BTBD16: variants seen among roughly 807,000 people sequenced by gnomAD.
BTBD16 encodes the protein BTB domain containing 16.
Under a neutral mutation model 67.4 loss-of-function variants are expected in BTBD16, and 66 were observed. The observed-to-expected ratio is 0.98, with a 90% CI of 0.80 to 1.20. The LOEUF is 1.20. BTBD16 is among the 50% of genes most tolerant of loss of function. The probability of loss-of-function intolerance (pLI) is 0.00; values close to 1 mark genes in which losing one functional copy is unlikely to be tolerated. For missense variants in BTBD16, 634 were observed against 616.0 expected (o/e 1.03, Z -0.31); for synonymous variants, 242 against 236.4 (o/e 1.02, Z -0.22).
At chr10:122,295,487 G>A in intron 7 of BTBD16, 3 of 985,408 alleles carry the variant, frequency 3.0e-6, no homozygotes, top group Non-Finnish European at 3.6e-6. Flanking sequence ...GGAGGGGAGA[G>A]TGGCAGAGCC....
At chr10:122,322,315 C>A (rs77991627) in intron 10 of BTBD16, among the ~76,000 whole-genome samples, 3 of 152,078 alleles carry the variant, frequency 2.0e-5, no homozygotes, top group African/African-American at 7.2e-5. Flanking sequence ...TAGAGCTATA[C>A]GTTTCCTTTA....
At chr10:122,294,118 C>A in intron 7 of BTBD16, 1 of 985,364 alleles carries the variant, frequency 1.0e-6, no homozygotes, top group Non-Finnish European at 1.2e-6. Flanking sequence ...TGTGGTGGGG[C>A]TGGGATTCTA....
At chr10:122,316,085 G>A (rs1379768827) in intron 10 of BTBD16, among the ~76,000 whole-genome samples, 1 of 152,064 alleles carries the variant, frequency 6.6e-6, no homozygotes, top group Non-Finnish European at 1.5e-5. Flanking sequence ...TGACCAACAT[G>A]GTGGAACCCC....
chr10:122,329,632 C>G (rs1265720850), intron 11 of BTBD16, 61 bp downstream of exon 11: 3 of 1,424,588 alleles, frequency 2.1e-6, no homozygotes, highest in Non-Finnish European at 2.9e-6. Context: ...GCCCACCCCC[C>G]AGCCACTGCC....
intron 9 of BTBD16, among the ~76,000 whole-genome samples, chr10:122,305,013 T>C (rs1205839709): frequency 6.6e-6 from 1 of 152,176 alleles, no homozygotes; most frequent in Non-Finnish European, 1.5e-5. Context: ...CTAAGCACTT[T>C]GTATGTATGC....
chr10:122,286,143 C>T lies in BTBD16; in HGVS notation c.280C>T (p.His94Tyr). 6.2e-7 allele frequency: 1 copy of T among 1,613,890 alleles called. No homozygotes were observed. ...GTGCCTGGGCTTCAAATGGGAGCTC[C>T]ATCAGCCCCAGCTTTTTCAGTCTGA... ...LECLGFKWEL[H>Y]QPQLFQSETL... is the part of the protein sequence containing the mutation. Residue 94 changes from histidine (H) to tyrosine (Y), a missense_variant, in exon 5 of 16, where the codon CAT (histidine) becomes TAT (tyrosine). By Grantham distance (83) the His-to-Tyr change is moderately conservative (BLOSUM62 2). Coordinates refer to ENST00000260723, the MANE Select transcript of BTBD16 (RefSeq NM_144587.5).
intron 10 of BTBD16, among the ~76,000 whole-genome samples, chr10:122,324,792 G>A (rs1217055041): frequency 1.3e-5 from 2 of 152,150 alleles, no homozygotes; most frequent in African/African-American, 4.8e-5. Flanking sequence ...TAAATATTAT[G>A]CTTAGTTCTT....
chr10:122,294,718 C>G (rs1046252334), intron 7 of BTBD16, among the ~76,000 whole-genome samples: 2 of 152,238 alleles, frequency 1.3e-5, no homozygotes, highest in South Asian at 4.1e-4. Context: ...GGAAACCCCC[C>G]ACTTCCCTGA....
chr10:122,295,773 T>C (rs902873113), intron 7 of BTBD16, among the ~76,000 whole-genome samples: 5 of 152,170 alleles, frequency 3.3e-5, no homozygotes, highest in African/African-American at 1.2e-4. Context: ...TCCCCAGTAC[T>C]CAAGACAACT....
chr10:122,290,139 G>T lies in BTBD16; in HGVS notation c.475+141G>T, dbSNP rs183640190. ...GCTTTCTTATTAAAAAGGCCCGAAC[G>T]TGCAAAGAAAGAAGGGGCGAGAAGG... On this transcript the variant is annotated intron_variant, in intron 6 of 15. Transcript: ENST00000260723. 3 of 577,204 alleles carry T rather than the reference G, an allele frequency of 5.2e-6. No homozygotes were observed. The African/African-American group carries it at 5.7e-5, about 11-fold the overall frequency. The allele number at this position is 577,204 out of a possible 1,614,324, so 35.8% of individuals were successfully genotyped here.
chr10:122,289,220 G>A (rs1025493449), intron 5 of BTBD16, among the ~76,000 whole-genome samples: 2 of 152,134 alleles, frequency 1.3e-5, no homozygotes, highest in Non-Finnish European at 2.9e-5. Flanking sequence ...AGAAATGACT[G>A]AGGTTCAGTC....
At chr10:122,275,198 C>T (rs1050856148) in intron 2 of BTBD16, 99 bp downstream of exon 2, 45 of 1,166,500 alleles carry the variant, frequency 3.9e-5, no homozygotes, top group East Asian at 2.1e-4. Flanking sequence ...TCTGCACCAC[C>T]GAGGACCTCA....
intron 10 of BTBD16, among the ~76,000 whole-genome samples, chr10:122,308,845 T>A (rs1169967862): frequency 1.3e-5 from 2 of 152,086 alleles, no homozygotes; most frequent in Admixed American, 1.3e-4. Context: ...TTGGCCTCCA[T>A]CTCCCAAATG....
At chr10:122,273,227 T>G (rs1017808819) in intron 1 of BTBD16, among the ~76,000 whole-genome samples, 5 of 145,754 alleles carry the variant, frequency 3.4e-5, no homozygotes, top group African/African-American at 1.3e-4. Flanking sequence ...CAAAGATATA[T>G]ATATATATAT....
chr10:122,332,549 G>C (rs756121510), intron 13 of BTBD16, 36 bp downstream of exon 13: 19 of 1,589,074 alleles, frequency 1.2e-5, no homozygotes, highest in East Asian at 2.2e-5. Context: ...GGGAAGAACT[G>C]TTCCTCTCGT....
At chr10:122,315,818 GC>G (rs1232135159) in intron 10 of BTBD16, among the ~76,000 whole-genome samples, 1 of 152,048 alleles carries the variant, frequency 6.6e-6, no homozygotes, top group Admixed American at 6.6e-5. Flanking sequence ...TCTTTTTAGA[GC>G]TTTTTTGAGG....
At position 122,327,518 on chromosome 10, in the gene BTBD16, G is replaced by A. The variant is rs146370331; in HGVS notation, c.912-1962G>A. ...AGGAGAGTGAAGCTCTGAGAGGCCC[G>A]GTCACAGGACTGTGGCTGGCTGGGC... is the stretch of plus-strand genomic sequence containing the variant. On this transcript the variant is annotated intron_variant, in intron 10 of 15. Transcript: ENST00000260723. The A allele has an allele frequency of 1.7e-4, 154 of 884,416 alleles. 1 individual carries two copies. In the East Asian group the frequency reaches 0.016, roughly 93 times the overall value. 54.8% of individuals were successfully genotyped at this position (884,416 alleles called of 1,614,324 possible). A position where few individuals can be genotyped will look rare whatever the true frequency, so the allele number is the denominator to read the frequency against.
chr10:122,283,153 A>ATT (rs1046691945), intron 3 of BTBD16, among the ~76,000 whole-genome samples: 2 of 152,224 alleles, frequency 1.3e-5, no homozygotes, highest in Non-Finnish European at 2.9e-5. Flanking sequence ...CCAAATTTGC[A>ATT]TTTTGTGGGA....
chr10:122,329,626 A>AC lies in BTBD16; in HGVS notation c.1003+61dup, dbSNP rs960446542. ...CGGGAAAGCTGCTGGGCACCTGCCC[A>AC]CCCCCCAGCCACTGCCGGGGGAGCC... On this transcript the variant is annotated intron_variant, in intron 11 of 15. Transcript: ENST00000260723. 7 of 1,472,792 alleles carry AC rather than the reference A, an allele frequency of 4.8e-6. No homozygotes were observed. In the East Asian group the frequency reaches 7.2e-5, roughly 15 times the overall value. 91.2% of individuals were successfully genotyped at this position (1,472,792 alleles called of 1,614,324 possible).
Sources: allele counts gnomAD v4.1 joint callset (sites outside exome capture counted in the v4.1 genomes callset), GRCh38; gene constraint gnomAD v4.1.1; transcripts MANE v1.5; gene names NCBI Gene and HGNC (gene_info 2026-07-23, HGNC 2026-07-21).